Variants in PPM1B observed in about 807,000 individuals in gnomAD.
PPM1B encodes protein phosphatase 1B.
A neutral mutation model predicts 43.0 loss-of-function variants in PPM1B; 22 were observed. That is an observed-to-expected ratio of 0.51 (90% CI 0.37 to 0.73). The LOEUF is 0.73. PPM1B is among the 30% of genes least tolerant of loss of function. PPM1B has a pLI of 0.00. For synonymous variants in PPM1B, 217 were observed against 197.9 expected, an observed-to-expected ratio of 1.10 and a Z score of -0.81; for missense variants, 632 against 584.2, an observed-to-expected ratio of 1.08 and a Z score of -0.84.
At chr2:44,178,909 A>C (rs1051002884) in intron 1 of PPM1B, among the ~76,000 whole-genome samples, 3 of 152,332 alleles carry the variant, frequency 2.0e-5, no homozygotes, top group Non-Finnish European at 2.9e-5. Flanking sequence ...GTATTTCCAA[A>C]ATGATTCAAT....
At chr2:44,181,515 A>G (rs1412907891) in intron 1 of PPM1B, among the ~76,000 whole-genome samples, 1 of 152,234 alleles carries the variant, frequency 6.6e-6, no homozygotes, top group Non-Finnish European at 1.5e-5. Context: ...TCCACTAGGA[A>G]GAAGTTAGAT....
At chr2:44,217,286 C>G (rs1001587741) in intron 3 of PPM1B, among the ~76,000 whole-genome samples, 1 of 151,768 alleles carries the variant, frequency 6.6e-6, no homozygotes, top group East Asian at 1.9e-4. Context: ...GTAATCCCAG[C>G]TACTCGGGAG....
chr2:44,223,814 TAAAAAAAAAA>T (rs58530902), intron 5 of PPM1B, among the ~76,000 whole-genome samples: 9 of 36,060 alleles, frequency 2.5e-4, no homozygotes, highest in Admixed American at 4.9e-4. Flanking sequence ...GGACTCTGTC[TAAAAAAAAAA>T]AAAAAAAAAA....
At chr2:44,187,579 C>G (rs1668184458) in intron 1 of PPM1B, among the ~76,000 whole-genome samples, 1 of 152,196 alleles carries the variant, frequency 6.6e-6, no homozygotes, top group African/African-American at 2.4e-5. Flanking sequence ...GGATCTCTCC[C>G]CTACTCTGCC....
At chr2:44,245,428 G>C (rs533753380), downstream of PPM1B, among the ~76,000 whole-genome samples, 14 of 152,202 alleles carry the variant, frequency 9.2e-5, no homozygotes, top group African/African-American at 3.4e-4. Context: ...CTTCTCCTCA[G>C]TTGTCTTATT....
At chr2:44,212,577 A>G (rs1184314158) in intron 3 of PPM1B, among the ~76,000 whole-genome samples, 1 of 152,234 alleles carries the variant, frequency 6.6e-6, no homozygotes, top group African/African-American at 2.4e-5. Context: ...TATCTTTAAC[A>G]TAATTGCTGA....
chr2:44,204,912 AAT>A (rs1248290347), intron 2 of PPM1B, among the ~76,000 whole-genome samples: 3 of 151,420 alleles, frequency 2.0e-5, no homozygotes, highest in African/African-American at 7.3e-5. Flanking sequence ...GTTGCCAGTT[AAT>A]ATTAATCTGT....
intron 1 of PPM1B, among the ~76,000 whole-genome samples, chr2:44,199,303 C>CAAA (rs1339815695): frequency 1.2e-4 from 8 of 66,908 alleles, no homozygotes; most frequent in African/African-American, 4.5e-4. Context: ...CTGTAGATCT[C>CAAA]AAAAAAAAAA....
chr2:44,201,092 T>A lies in PPM1B; in HGVS notation c.-14-94T>A. ...TAAATTAGGATAATACTAAAAAAAA[T>A]ACTTGAGGTAGGAGTTACTAGACTA... On this transcript the variant is annotated intron_variant, in intron 1 of 5. Transcript: ENST00000282412. This position sits in a 1 kb window ranked among gnomAD's most constrained non-coding sequence, Gnocchi z 5.4. 7.8e-7 allele frequency: 1 copy of A among 1,284,428 alleles called. No individual in the cohort carries two copies. Among genetic ancestry groups the A allele is most frequent in the Non-Finnish European group, 1.1e-6 (1 of 949,856 alleles). 79.6% of individuals were successfully genotyped at this position (1,284,428 alleles called of 1,614,324 possible).
intron 5 of PPM1B, chr2:44,218,761 C>A: frequency 2.1e-6 from 1 of 469,940 alleles, no homozygotes. Flanking sequence ...TTCTGGGCAT[C>A]AAATGACCTT....
intron 1 of PPM1B, among the ~76,000 whole-genome samples, chr2:44,178,017 C>A (rs1667670754): frequency 6.6e-6 from 1 of 151,072 alleles, no homozygotes; most frequent in South Asian, 2.1e-4. Flanking sequence ...TCCCAGGCTC[C>A]AGTGATCCTC....
downstream of PPM1B, among the ~76,000 whole-genome samples, chr2:44,234,882 G>A (rs746420588): frequency 3.9e-5 from 6 of 152,182 alleles, no homozygotes; most frequent in Non-Finnish European, 7.4e-5. Flanking sequence ...CAAAAATTCA[G>A]TGTAAAAAGG....
intron 1 of PPM1B, among the ~76,000 whole-genome samples, chr2:44,179,685 G>C (rs1359880711): frequency 6.6e-6 from 1 of 152,116 alleles, no homozygotes; most frequent in Non-Finnish European, 1.5e-5. Flanking sequence ...TTAGATGTTA[G>C]TGTGTCTATA....
chr2:44,229,081 C>A (rs535833392), intron 5 of PPM1B, among the ~76,000 whole-genome samples: 1 of 151,640 alleles, frequency 6.6e-6, no homozygotes, highest in African/African-American at 2.4e-5. Context: ...ACTCGGGAGG[C>A]TGAGGCAGGA....
chr2:44,246,285 A>G (rs1418190282), downstream of PPM1B, among the ~76,000 whole-genome samples: 3 of 152,142 alleles, frequency 2.0e-5, no homozygotes, highest in East Asian at 5.8e-4. Flanking sequence ...ATACTGTTTG[A>G]GTCCTTCGAG....
At chr2:44,221,855 T>A (rs955483317) in intron 5 of PPM1B, among the ~76,000 whole-genome samples, 4 of 152,160 alleles carry the variant, frequency 2.6e-5, no homozygotes, top group African/African-American at 7.2e-5. Flanking sequence ...TCAGAAAGGT[T>A]ACTATTTAGG....
chr2:44,212,229 A>G (rs1015669490), intron 3 of PPM1B, among the ~76,000 whole-genome samples: 3 of 152,182 alleles, frequency 2.0e-5, no homozygotes, highest in Non-Finnish European at 4.4e-5. Context: ...GCCTGCAGCT[A>G]TACAGTACTA....
At chr2:44,177,708 G>A (rs1667649460) in intron 1 of PPM1B, among the ~76,000 whole-genome samples, 1 of 151,644 alleles carries the variant, frequency 6.6e-6, no homozygotes, top group African/African-American at 2.4e-5. Context: ...ATGAGCCACC[G>A]CGCCCGGCCT....
rs1008237369 is a variant in PPM1B, at chr2:44,168,936, C to G, written c.-353C>G. ...AAAGCCGCCGGTGCTCTGACGGCCT[C>G]GTTCCCCTAGCAGTTGCGGGGGAGT... On this transcript the variant is annotated 5_prime_UTR_variant, in exon 1 of 6. Transcript: ENST00000282412. The G allele has an allele frequency of 3.3e-5, 5 of 153,770 alleles. No individual in the cohort carries two copies. Among genetic ancestry groups the G allele is most frequent in the Admixed American group, 6.5e-5 (1 of 15,298 alleles). The allele number at this position is 153,770 out of a possible 1,614,324, so 9.5% of individuals were successfully genotyped here.
Sources: allele counts gnomAD v4.1 joint callset (sites outside exome capture counted in the v4.1 genomes callset), GRCh38; gene constraint gnomAD v4.1.1; non-coding constraint Gnocchi (gnomAD v3.1); transcripts MANE v1.5; gene names NCBI Gene and HGNC (gene_info 2026-07-23, HGNC 2026-07-21).